The following TSPAN4 variants were observed in gnomAD, a reference collection of about 807,000 sequenced individuals.
The protein encoded by TSPAN4 is tetraspanin 4.
TSPAN4 carries 38 observed loss-of-function variants against 31.5 expected under a neutral mutation model. The ratio of observed to expected loss-of-function variants is 1.21; its 90% CI spans 0.93 to 1.58. The LOEUF is 1.58. Among genes scored for constraint, TSPAN4 ranks in the 40% most tolerant of loss-of-function variants. TSPAN4 has a pLI of 0.00. For synonymous variants in TSPAN4, 186 were observed against 144.6 expected (o/e 1.29, Z -2.06); for missense variants, 330 against 317.3 (o/e 1.04, Z -0.30).
intron 4 of TSPAN4, 143 bp from the exon 5 acceptor site, chr11:864,294 G>A: frequency 3.0e-6 from 3 of 991,394 alleles, no homozygotes; most frequent in African/African-American, 1.6e-5. Flanking sequence ...GCGGCGTTCT[G>A]GGCTCTCTGG....
At chr11:849,495 C>A (rs999251840) in intron 2 of TSPAN4, among the ~76,000 whole-genome samples, 1 of 152,088 alleles carries the variant, frequency 6.6e-6, no homozygotes, top group African/African-American at 2.4e-5. Context: ...AGAGTCCGGG[C>A]GAGGTACCGT....
At chr11:851,545 C>T (rs1423487779) in intron 3 of TSPAN4, among the ~76,000 whole-genome samples, 3 of 152,172 alleles carry the variant, frequency 2.0e-5, no homozygotes, top group African/African-American at 4.8e-5. Flanking sequence ...GGACAGCCAG[C>T]CTGGGTTGCC....
Position 848,769 on chromosome 11 carries a change from C to T in TSPAN4, c.-18+1469C>T. 1 of 536,078 alleles carries T rather than the reference C, an allele frequency of 1.9e-6. No individual in the cohort carries two copies. The highest frequency in any genetic ancestry group is 2.4e-5 in the South Asian group (1 of 40,946). 33.2% of individuals were successfully genotyped at this position (536,078 alleles called of 1,614,324 possible). A position where few individuals can be genotyped will look rare whatever the true frequency, so the allele number is the denominator to read the frequency against. ...GGGCCACGTGCTGATATCTTCCCAACACCGCAGGGCCCTTGTGCCCTGTGG... is the reference window on the plus strand; with the variant it reads ...GGGCCACGTGCTGATATCTTCCCAATACCGCAGGGCCCTTGTGCCCTGTGG... On this transcript the variant is annotated intron_variant, in intron 2 of 8. Transcript: ENST00000397397. The surrounding 1 kb of genome is among the most constrained non-coding windows in gnomAD (Gnocchi z 5.7).
At chr11:865,890 G>A (rs748534305) in intron 7 of TSPAN4, 28 bp from the exon 8 acceptor site, 10 of 1,612,848 alleles carry the variant, frequency 6.2e-6, no homozygotes, top group African/African-American at 2.7e-5. Context: ...AGGCCCTGCC[G>A]TGACACGCAT....
intron 2 of TSPAN4, among the ~76,000 whole-genome samples, chr11:847,605 GC>G (rs1040898315): frequency 2.3e-5 from 2 of 86,732 alleles, no homozygotes; most frequent in Non-Finnish European, 4.9e-5. Flanking sequence ...CCAGCTCCCC[GC>G]CCCCACCCCC....
At chr11:862,365 G>A (rs1023144033) in intron 3 of TSPAN4, 185 bp from the exon 4 acceptor site, 56 of 571,910 alleles carry the variant, frequency 9.8e-5, no homozygotes, top group African/African-American at 8.2e-4. Context: ...CCAGGGTGTC[G>A]GGAAAGACTG....
intron 3 of TSPAN4, among the ~76,000 whole-genome samples, chr11:861,850 G>T (rs1348219966): frequency 6.6e-6 from 1 of 152,218 alleles, no homozygotes; most frequent in Non-Finnish European, 1.5e-5. Flanking sequence ...AACCTGGGAG[G>T]CGGAGGAGGT....
intron 3 of TSPAN4, among the ~76,000 whole-genome samples, chr11:856,563 G>C (rs1338822425): frequency 6.6e-6 from 1 of 152,244 alleles, no homozygotes; most frequent in Admixed American, 6.5e-5. Flanking sequence ...CTGCGGCGGG[G>C]CAGCAGTGAG....
At chr11:863,953 G>T in intron 4 of TSPAN4, 1 of 164,050 alleles carries the variant, frequency 6.1e-6, no homozygotes, top group South Asian at 1.7e-4. Flanking sequence ...AGCCACGCTG[G>T]CTGCCCTGAG....
At chr11:861,790 C>T (rs879473059) in intron 3 of TSPAN4, among the ~76,000 whole-genome samples, 3 of 150,700 alleles carry the variant, frequency 2.0e-5, no homozygotes, top group Admixed American at 2.0e-4. Context: ...GTGGTGGGGG[C>T]ATGCCTGTAA....
intron 8 of TSPAN4, 112 bp downstream of exon 8, chr11:866,113 C>A: frequency 8.3e-7 from 1 of 1,211,440 alleles, no homozygotes; most frequent in Non-Finnish European, 1.2e-6. Context: ...CGGGGGAGGC[C>A]GGGGCAAAAG....
intron 4 of TSPAN4, 31 bp from the exon 5 acceptor site, chr11:864,406 G>A (rs747504265): frequency 1.2e-5 from 20 of 1,609,774 alleles, no homozygotes; most frequent in South Asian, 7.7e-5. Context: ...GCGGCCTTTC[G>A]GGTCCCTGTC....
At chr11:849,048 A>C (rs1317348124) in intron 2 of TSPAN4, 4 of 596,592 alleles carry the variant, frequency 6.7e-6, no homozygotes, top group Admixed American at 6.1e-5. Context: ...AAGAATTTCA[A>C]GACGGGAACA....
chr11:866,387 C>T (rs1349720055), intron 8 of TSPAN4, among the ~76,000 whole-genome samples, 175 bp from the exon 9 acceptor site: 2 of 151,716 alleles, frequency 1.3e-5, no homozygotes, highest in East Asian at 3.9e-4. Flanking sequence ...TGGCTCGAGC[C>T]ACAGGGGTTG....
Position 866,683 on chromosome 11 carries a change from C to T in TSPAN4, c.*53C>T, listed in dbSNP as rs1848872447. Reference sequence around the variant, plus strand: ...AAGGACGCCCACGGGGAGATGGCCGCACCCACAGCTGCCTTTCCCACCACC... The same window carrying T: ...AAGGACGCCCACGGGGAGATGGCCGTACCCACAGCTGCCTTTCCCACCACC... On this transcript the variant is annotated 3_prime_UTR_variant, in exon 9 of 9. Transcript: ENST00000397397. 3 of 1,534,622 alleles carry T rather than the reference C, an allele frequency of 2.0e-6. No homozygotes were observed. The highest frequency in any genetic ancestry group is 1.8e-5 in the Admixed American group (1 of 56,356).
intron 2 of TSPAN4, 164 bp from the exon 3 acceptor site, chr11:850,124 C>T (rs2133997885): frequency 3.8e-6 from 2 of 521,520 alleles, no homozygotes; most frequent in South Asian, 5.1e-5. Flanking sequence ...CCTTCCGGCG[C>T]TACAGCAGCC....
chr11:844,743 G>T (rs1377429187), intron 1 of TSPAN4, among the ~76,000 whole-genome samples: 1 of 151,970 alleles, frequency 6.6e-6, no homozygotes, highest in African/African-American at 2.4e-5. Context: ...GGAGGGTGAG[G>T]CGCTGGTTTT....
chr11:864,613 T>A (rs1848661970), intron 5 of TSPAN4, 102 bp downstream of exon 5: 1 of 1,487,460 alleles, frequency 6.7e-7, no homozygotes, highest in Non-Finnish European at 9.3e-7. Context: ...GCCCTGCATG[T>A]GCCCTCACGG....
rs781729735 is a variant in TSPAN4 at position 848,952 on chromosome 11, A to G, written c.-17-1336A>G. The G allele has an allele frequency of 4.3e-6, 3 of 697,768 alleles. No homozygotes were observed. Among genetic ancestry groups the G allele is most frequent in the South Asian group, 1.5e-5 (1 of 65,368 alleles). The allele number at this position is 697,768 out of a possible 1,614,324, so 43.2% of individuals were successfully genotyped here. ...GGGGCCGGTATGTCTGTACCTGTCA[A>G]GGGGTGGGGTGGGGTCTTTTACAGG... On this transcript the variant is annotated intron_variant, in intron 2 of 8. Coordinates refer to ENST00000397397, the MANE Select transcript of TSPAN4 (RefSeq NM_003271.5). The surrounding 1 kb of genome is among the most constrained non-coding windows in gnomAD (Gnocchi z 5.7).
Sources: gnomAD v4.1 joint callset for allele counts (sites outside exome capture counted in the v4.1 genomes callset) on GRCh38, gnomAD v4.1.1 for gene constraint, Gnocchi (gnomAD v3.1) non-coding constraint, MANE v1.5 for transcripts, NCBI Gene and HGNC (gene_info 2026-07-23, HGNC 2026-07-21) for gene names.